The following HIBADH variants were observed in gnomAD, a reference collection of about 807,000 sequenced individuals.
HIBADH encodes 3-hydroxyisobutyrate dehydrogenase, mitochondrial.
A neutral mutation model predicts 36.1 loss-of-function variants in HIBADH; 25 were observed. The ratio of observed to expected loss-of-function variants is 0.69; its 90% CI spans 0.50 to 0.97. The LOEUF is 0.97. HIBADH is among the 50% of genes least tolerant of loss of function. The probability of loss-of-function intolerance (pLI) is 0.00; values close to 1 mark genes in which losing one functional copy is unlikely to be tolerated. For missense variants in HIBADH, 421 were observed against 418.0 expected (o/e 1.01, Z -0.06); for synonymous variants, 160 against 149.5 (o/e 1.07, Z -0.51).
At chr7:27,630,004 A>G (rs548175188) in intron 3 of HIBADH, among the ~76,000 whole-genome samples, 34 of 152,160 alleles carry the variant, frequency 2.2e-4, no homozygotes, top group Non-Finnish European at 4.3e-4. Flanking sequence ...TTGGGATGGC[A>G]TATTATTTTA....
chr7:27,638,801 CA>C (rs896664096), intron 2 of HIBADH, among the ~76,000 whole-genome samples: 2 of 151,856 alleles, frequency 1.3e-5, no homozygotes, highest in Non-Finnish European at 2.9e-5. Context: ...AGACACTTTT[CA>C]AAAAAAGACA....
chr7:27,604,351 TGAGCC>T (rs770348560), intron 4 of HIBADH, among the ~76,000 whole-genome samples: 1 of 152,224 alleles, frequency 6.6e-6, no homozygotes, highest in Non-Finnish European at 1.5e-5. Context: ...ATTGATATGC[TGAGCC>T]AAGAAACCTC....
intron 4 of HIBADH, among the ~76,000 whole-genome samples, chr7:27,574,596 A>AAAG (rs1364916273): frequency 6.6e-6 from 1 of 152,160 alleles, no homozygotes; most frequent in African/African-American, 2.4e-5. Flanking sequence ...GCAAAACTTT[A>AAAG]TTATTGCTGC....
At chr7:27,619,741 G>C (rs1301898389) in intron 4 of HIBADH, among the ~76,000 whole-genome samples, 5 of 152,248 alleles carry the variant, frequency 3.3e-5, no homozygotes, top group Non-Finnish European at 7.4e-5. Context: ...CTTGAAGATA[G>C]ATTTTTTGAA....
intron 6 of HIBADH, among the ~76,000 whole-genome samples, chr7:27,537,445 T>A (rs1432775116): frequency 6.6e-6 from 1 of 152,164 alleles, no homozygotes; most frequent in East Asian, 1.9e-4. Context: ...ATTACTTTTA[T>A]CAAAAGCTAT....
intron 2 of HIBADH, chr7:27,647,686 C>T (rs1163357359): frequency 2.4e-6 from 1 of 416,162 alleles, no homozygotes; most frequent in Admixed American, 2.8e-5. Context: ...AAATTAGCAA[C>T]ACTAAAGAAA....
intron 4 of HIBADH, among the ~76,000 whole-genome samples, chr7:27,599,210 C>A (rs75059321): frequency 0.012 from 1,856 of 151,938 alleles, 35 homozygotes; most frequent in Admixed American, 0.03. Context: ...TATTTTGGAT[C>A]CAAATAAAAA....
chr7:27,565,085 C>A (rs1784525934), intron 4 of HIBADH, among the ~76,000 whole-genome samples: 1 of 152,132 alleles, frequency 6.6e-6, no homozygotes. Flanking sequence ...ACATCCCCAA[C>A]TACCTGCATT....
At chr7:27,573,457 T>TCTAGA (rs995191701) in intron 4 of HIBADH, among the ~76,000 whole-genome samples, 2 of 152,202 alleles carry the variant, frequency 1.3e-5, no homozygotes, top group African/African-American at 4.8e-5. Flanking sequence ...TTAGACATCG[T>TCTAGA]CTAGACTAGA....
intron 4 of HIBADH, among the ~76,000 whole-genome samples, chr7:27,606,381 T>C (rs1244964388): frequency 6.6e-6 from 1 of 152,194 alleles, no homozygotes; most frequent in Non-Finnish European, 1.5e-5. Flanking sequence ...TCTGGTTAAA[T>C]GGTAAGGAAA....
intron 1 of HIBADH, among the ~76,000 whole-genome samples, chr7:27,652,467 T>G (rs938562785): frequency 1.1e-4 from 17 of 152,194 alleles, no homozygotes; most frequent in Non-Finnish European, 2.4e-4. Context: ...GTACAATGAA[T>G]GAACTTGAAG....
rs1783896234 is a variant in HIBADH, at chr7:27,526,341, C to G, written c.884G>C (p.Ser295Thr). Residue 295 changes from serine (S) to threonine (T), a missense_variant, in exon 8 of 8, where the codon AGC becomes ACC. Ser to Thr is a moderately conservative substitution (Grantham distance 58). Transcript: ENST00000265395. ...GCCAAGAAGGATTGGGCTCTTTGTGCTGGTAGCAGAGTCTTGTGCCAATCC... is the reference window on the plus strand; with the variant it reads ...GCCAAGAAGGATTGGGCTCTTTGTGGTGGTAGCAGAGTCTTGTGCCAATCC... ...DLGLAQDSATSTKSPILLGSL... is the reference protein window; with the variant it reads ...DLGLAQDSATTTKSPILLGSL... 4.3e-6 allele frequency: 7 copies of G among 1,612,734 alleles called. No individual in the cohort carries two copies. The highest frequency in any genetic ancestry group is 5.9e-6 in the Non-Finnish European group (7 of 1,179,438).
intron 4 of HIBADH, 85 bp downstream of exon 4, chr7:27,629,286 T>TACAAAACCATATGGTACA: frequency 7.3e-7 from 1 of 1,366,382 alleles, no homozygotes; most frequent in African/African-American, 1.5e-5. Flanking sequence ...AAATAACTAC[T>TACAAAACCATATGGTACA]ACAAAACCAT....
At chr7:27,657,132 T>C (rs1786321390) in intron 1 of HIBADH, among the ~76,000 whole-genome samples, 1 of 151,888 alleles carries the variant, frequency 6.6e-6, no homozygotes, top group South Asian at 2.1e-4. Flanking sequence ...GAAAGCATTG[T>C]ATCTAATCAG....
intron 3 of HIBADH, among the ~76,000 whole-genome samples, chr7:27,630,524 A>ACCCT (rs1475520065): frequency 3.8e-4 from 58 of 152,280 alleles, no homozygotes; most frequent in African/African-American, 1.4e-3. Flanking sequence ...AATAAATATA[A>ACCCT]ATACTGAAGA....
At chr7:27,578,626 C>G (rs1345155580) in intron 4 of HIBADH, among the ~76,000 whole-genome samples, 3 of 138,734 alleles carry the variant, frequency 2.2e-5, no homozygotes, top group Non-Finnish European at 4.4e-5. Flanking sequence ...CAAATTCTTA[C>G]TTCTTAACAT....
intron 4 of HIBADH, 105 bp from the exon 5 acceptor site, chr7:27,543,205 A>G: frequency 8.6e-7 from 1 of 1,166,452 alleles, no homozygotes; most frequent in Non-Finnish European, 1.2e-6. Context: ...TCCTGCCTCC[A>G]ATCTGTATTT....
At chr7:27,573,651 T>C (rs988354227) in intron 4 of HIBADH, among the ~76,000 whole-genome samples, 2 of 152,178 alleles carry the variant, frequency 1.3e-5, no homozygotes, top group African/African-American at 4.8e-5. Flanking sequence ...AATATGTCAC[T>C]GGCTAAGAGA....
At chr7:27,598,599 C>T (rs1005048059) in intron 4 of HIBADH, among the ~76,000 whole-genome samples, 7 of 152,060 alleles carry the variant, frequency 4.6e-5, no homozygotes, top group Non-Finnish European at 7.4e-5. Context: ...CCAGAATAAA[C>T]TTCCACCAAG....
Sources: allele counts gnomAD v4.1 joint callset (sites outside exome capture counted in the v4.1 genomes callset), GRCh38; gene constraint gnomAD v4.1.1; transcripts MANE v1.5; gene names NCBI Gene and HGNC (gene_info 2026-07-23, HGNC 2026-07-21).